Variants in SLC4A7 observed in about 807,000 individuals in gnomAD.
SLC4A7 encodes sodium bicarbonate cotransporter 3.
SLC4A7 carries 51 observed loss-of-function variants against 137.6 expected under a neutral mutation model. That is an observed-to-expected ratio of 0.37 (90% CI 0.30 to 0.47). The LOEUF (loss-of-function observed/expected upper bound fraction) is 0.47. Among genes scored for constraint, SLC4A7 ranks in the 20% least tolerant of loss-of-function variants. The pLI, the probability that SLC4A7 is intolerant of heterozygous loss-of-function variation, is 1.00. For synonymous variants in SLC4A7, 542 were observed against 518.6 expected (o/e 1.05, Z -0.61); for missense variants, 1,247 against 1,525.4 (o/e 0.82, Z 3.04).
At chr3:27,466,709 T>C (rs2059019238) in intron 1 of SLC4A7, among the ~76,000 whole-genome samples, 1 of 151,700 alleles carries the variant, frequency 6.6e-6, no homozygotes, top group Admixed American at 6.6e-5. Context: ...ATACCAAAAT[T>C]AGCCCCGCGT....
chr3:27,394,195 T>C (rs926934387), intron 20 of SLC4A7, among the ~76,000 whole-genome samples: 1 of 150,250 alleles, frequency 6.7e-6, no homozygotes, highest in African/African-American at 2.5e-5. Context: ...ATTATTTTTA[T>C]TTTTATAGAG....
At position 27,444,526 on chromosome 3, in the gene SLC4A7, A is replaced by C. The variant is rs9862589; in HGVS notation, c.289+4125T>G. 3.4e-3 allele frequency among the ~76,000 whole-genome samples: 517 copies of C among 151,968 alleles called. 4 individuals are homozygous for C. Among genetic ancestry groups the C allele is most frequent in the African/African-American group, 0.012 (490 of 41,446 alleles). On this transcript the variant is annotated intron_variant, in intron 3 of 25. Transcript: ENST00000454389. The stretch of plus-strand genomic sequence containing the variant: ...CTTCATTCTCTGTGTTTCATTTTGG[A>C]TAGTTACTATCACTGTCTTGAAAAC...
Position 27,484,207 on chromosome 3 carries a change from C to T in SLC4A7, c.-81G>A. 8.8e-7 allele frequency: 1 copy of T among 1,135,574 alleles called. No individual in the cohort carries two copies. The highest frequency in any genetic ancestry group is 1.1e-6 in the Non-Finnish European group (1 of 900,898). The allele number at this position is 1,135,574 out of a possible 1,614,324, so 70.3% of individuals were successfully genotyped here. ...GCTTCTGCCGCTGCCCCTGCCGCCGCCGCCGAGCCCCCGGCGCGCGAGGAC... is the reference window on the plus strand; with the variant it reads ...GCTTCTGCCGCTGCCCCTGCCGCCGTCGCCGAGCCCCCGGCGCGCGAGGAC... On this transcript the variant is annotated 5_prime_UTR_variant, in exon 1 of 26. Transcript: ENST00000454389.
At chr3:27,475,969 G>T (rs2059444771) in intron 1 of SLC4A7, among the ~76,000 whole-genome samples, 1 of 152,030 alleles carries the variant, frequency 6.6e-6, no homozygotes, top group Non-Finnish European at 1.5e-5. Context: ...TGAACAGAAA[G>T]AAATTATATT....
In SLC4A7 at chr3:27,402,257, T is replaced by C. The variant is rs183739816; in HGVS notation, c.2321+882A>G. 3.0e-3 allele frequency among the ~76,000 whole-genome samples: 461 copies of C among 152,352 alleles called. 13 individuals carry two copies. The highest frequency in any genetic ancestry group is 0.029 in the Admixed American group (448 of 15,298). On this transcript the variant is annotated intron_variant, in intron 15 of 25. Coordinates refer to ENST00000454389, the MANE Select transcript of SLC4A7 (RefSeq NM_001321103.2). ...CTTTTAAAAGCCTATTTTACACTTATTGAATATACTTGCCAAACTTTTGTA... is the reference window on the plus strand; with the variant it reads ...CTTTTAAAAGCCTATTTTACACTTACTGAATATACTTGCCAAACTTTTGTA...
At chr3:27,472,240 T>C (rs938770843) in intron 1 of SLC4A7, among the ~76,000 whole-genome samples, 1 of 152,234 alleles carries the variant, frequency 6.6e-6, no homozygotes, top group Non-Finnish European at 1.5e-5. Flanking sequence ...TATATAAAAA[T>C]TGAATACATG....
intron 24 of SLC4A7, among the ~76,000 whole-genome samples, chr3:27,379,983 AGGT>A (rs1363671358): frequency 6.6e-6 from 1 of 152,136 alleles, no homozygotes; most frequent in Non-Finnish European, 1.5e-5. Context: ...AGTGTGATAA[AGGT>A]GGTATTTTAT....
chr3:27,439,512 C>T (rs1479211044), intron 3 of SLC4A7, among the ~76,000 whole-genome samples: 2 of 152,090 alleles, frequency 1.3e-5, no homozygotes, highest in Non-Finnish European at 2.9e-5. Context: ...TTTAGTGCTA[C>T]CATAAGCAAT....
At position 27,398,294 on chromosome 3, in the gene SLC4A7, A is replaced by AT; in HGVS notation, c.2486dup (p.Tyr829Ter). 6.2e-7 allele frequency: 1 copy of AT among 1,613,386 alleles called. No homozygotes were observed. The highest frequency in any genetic ancestry group is 8.5e-7 in the Non-Finnish European group (1 of 1,179,442). The change falls in exon 17 of 26, where the codon TAT (tyrosine) becomes TAAT (stop). Residue 829 changes from tyrosine (Y) to a stop codon, truncating the protein, a stop_gained and frameshift_variant. Transcript: ENST00000454389. LOFTEE classifies it high-confidence loss of function. ...LGSACGHHGP[Y>*]IPDVLFWCVI... ...CACACCAAAAGAGCACATCTGGAAT[A>AT]TAAGGTCCATGATGACCACAAGCTG...
intron 3 of SLC4A7, among the ~76,000 whole-genome samples, chr3:27,443,024 C>CTTT (rs1156950293): frequency 0.021 from 2,141 of 101,892 alleles, 197 homozygotes; most frequent in East Asian, 0.043. Flanking sequence ...TCTCTTTTTT[C>CTTT]TTTTTTTCTT....
chr3:27,442,114 C>G (rs2057247295), intron 3 of SLC4A7, among the ~76,000 whole-genome samples: 1 of 151,780 alleles, frequency 6.6e-6, no homozygotes. Context: ...GACCAGGTGA[C>G]AAGGCAGGTG....
In SLC4A7 at chr3:27,388,842, A is replaced by G. The variant is rs2051242969; in HGVS notation, c.3360+1089T>C. On this transcript the variant is annotated intron_variant, in intron 22 of 25. Coordinates refer to ENST00000454389, the MANE Select transcript of SLC4A7 (RefSeq NM_001321103.2). ...TTAAATTTCATCAATAAGATTACAT[A>G]AGTACCCACATAATACTCTCGTGAC... Among the ~76,000 whole-genome samples, 3 of 112,914 alleles carry G rather than the reference A, an allele frequency of 2.7e-5. No homozygotes were observed. The South Asian group carries it at 6.6e-4, about 25-fold the overall frequency. 74.1% of individuals were successfully genotyped at this position (112,914 alleles called of 152,430 possible).
At chr3:27,413,944 A>C (rs1163463378) in intron 11 of SLC4A7, among the ~76,000 whole-genome samples, 2 of 152,216 alleles carry the variant, frequency 1.3e-5, no homozygotes, top group Non-Finnish European at 2.9e-5. Context: ...TATTTGACTG[A>C]AAAACTATTA....
intron 1 of SLC4A7, among the ~76,000 whole-genome samples, chr3:27,478,377 G>A (rs753624304): frequency 6.6e-6 from 1 of 151,064 alleles, no homozygotes; most frequent in Non-Finnish European, 1.5e-5. Flanking sequence ...AATTAGCCGG[G>A]CGTGGTGGCG....
At chr3:27,483,192 C>A (rs2059787142) in intron 1 of SLC4A7, among the ~76,000 whole-genome samples, 1 of 152,196 alleles carries the variant, frequency 6.6e-6, no homozygotes, top group African/African-American at 2.4e-5. Context: ...ACTGCGGGGA[C>A]GCATGTGCTC....
intron 11 of SLC4A7, among the ~76,000 whole-genome samples, chr3:27,412,680 C>T (rs1418579161): frequency 6.6e-6 from 1 of 151,970 alleles, no homozygotes; most frequent in Admixed American, 6.6e-5. Flanking sequence ...ATTTTAAAAA[C>T]TACAAATTAT....
In SLC4A7 at chr3:27,406,593, A is replaced by G. The variant is rs754586334; in HGVS notation, c.1942-1630T>C. The stretch of plus-strand genomic sequence containing the variant: ...TCATAAAATCCTTAGTTCAATTACA[A>G]TAAGCATATTTAGGAATGAATTTAT... On this transcript the variant is annotated intron_variant, in intron 13 of 25. Transcript: ENST00000454389. 5.3e-5 allele frequency among the ~76,000 whole-genome samples: 8 copies of G among 152,332 alleles called. No individual in the cohort carries two copies. The East Asian group carries it at 7.7e-4, about 15-fold the overall frequency.
intron 14 of SLC4A7, among the ~76,000 whole-genome samples, chr3:27,403,650 G>A (rs1233558099): frequency 6.6e-6 from 1 of 151,934 alleles, no homozygotes; most frequent in Non-Finnish European, 1.5e-5. Context: ...GATTTACAGT[G>A]AAAATCTACC....
At chr3:27,385,309 C>A (rs1426851701) in intron 23 of SLC4A7, among the ~76,000 whole-genome samples, 1 of 152,082 alleles carries the variant, frequency 6.6e-6, no homozygotes, top group Non-Finnish European at 1.5e-5. Context: ...AATTCCAATT[C>A]AGAATAAAGT....
Sources: gnomAD v4.1 joint callset for allele counts (sites outside exome capture counted in the v4.1 genomes callset) on GRCh38, gnomAD v4.1.1 for gene constraint, MANE v1.5 for transcripts, NCBI Gene and HGNC (gene_info 2026-07-23, HGNC 2026-07-21) for gene names.